The following MYO5A variants were observed in gnomAD, a reference collection of about 807,000 sequenced individuals.
The protein encoded by MYO5A is unconventional myosin-Va.
MYO5A carries 98 observed loss-of-function variants against 249.7 expected under a neutral mutation model. That is an observed-to-expected ratio of 0.39 (90% CI 0.33 to 0.46). The LOEUF is 0.46. MYO5A is among the 20% of genes least tolerant of loss of function. The probability of loss-of-function intolerance (pLI) is 0.98; values close to 1 mark genes in which losing one functional copy is unlikely to be tolerated. For synonymous variants in MYO5A, 778 were observed against 810.6 expected (o/e 0.96, Z 0.68); for missense variants, 1,696 against 2,308.8 (o/e 0.73, Z 5.44).
chr15:52,339,368 G>A (rs562303466), intron 32 of MYO5A, among the ~76,000 whole-genome samples: 10 of 151,846 alleles, frequency 6.6e-5, no homozygotes, highest in East Asian at 1.9e-4. Context: ...TCTCAAAATC[G>A]GGCTAGCACT....
intron 1 of MYO5A, among the ~76,000 whole-genome samples, chr15:52,526,786 T>A (rs2077737566): frequency 1.3e-5 from 2 of 152,142 alleles, no homozygotes; most frequent in African/African-American, 4.8e-5. Context: ...AATCACAACA[T>A]CTTTTCAATT....
At chr15:52,443,062 T>C (rs2075817625) in intron 1 of MYO5A, among the ~76,000 whole-genome samples, 1 of 152,194 alleles carries the variant, frequency 6.6e-6, no homozygotes. Context: ...AAACAGTAGA[T>C]TTTATTATGA....
intron 1 of MYO5A, among the ~76,000 whole-genome samples, chr15:52,514,166 T>A (rs1566873218): frequency 1.3e-5 from 2 of 152,386 alleles, no homozygotes; most frequent in South Asian, 2.1e-4. Flanking sequence ...CACTCATTCA[T>A]ATGTTCAATC....
intron 39 of MYO5A, 27 bp from the exon 40 acceptor site, chr15:52,317,249 TG>T: frequency 6.2e-7 from 1 of 1,610,248 alleles, no homozygotes; most frequent in South Asian, 1.1e-5. Flanking sequence ...ATACAGAGAA[TG>T]CAAATTTGCT....
rs545633679 is a variant in MYO5A at position 52,387,938 on chromosome 15, TA to T, written c.1669-27del. On this transcript the variant is annotated intron_variant, in intron 13 of 41. Coordinates refer to ENST00000399233, the MANE Select transcript of MYO5A (RefSeq NM_001382347.1). Reference sequence around the variant, plus strand: ...CTGAAAACACATGGAAAAATCTCCTTAACTGATAAAACTTTTGAATAGATAT... The same window carrying T: ...CTGAAAACACATGGAAAAATCTCCTTACTGATAAAACTTTTGAATAGATAT... The T allele has an allele frequency of 2.3e-5, 34 of 1,509,178 alleles. No individual in the cohort carries two copies. The African/African-American group carries it at 4.0e-4, about 18-fold the overall frequency. 93.5% of individuals were successfully genotyped at this position (1,509,178 alleles called of 1,614,324 possible).
At chr15:52,378,260 C>T (rs1018365279) in intron 18 of MYO5A, among the ~76,000 whole-genome samples, 2 of 152,026 alleles carry the variant, frequency 1.3e-5, no homozygotes, top group Admixed American at 6.6e-5. Flanking sequence ...CAGTGGCTCA[C>T]ACCTGTAATC....
chr15:52,523,965 G>A (rs2077677339), intron 1 of MYO5A, among the ~76,000 whole-genome samples: 1 of 123,636 alleles, frequency 8.1e-6, no homozygotes, highest in Non-Finnish European at 1.9e-5. Context: ...AGTTTGAAGA[G>A]ACAGTGCCAT....
intron 30 of MYO5A, among the ~76,000 whole-genome samples, chr15:52,345,624 A>T (rs1296866182): frequency 6.6e-6 from 1 of 152,092 alleles, no homozygotes; most frequent in Non-Finnish European, 1.5e-5. Context: ...GAAATAAGAA[A>T]AAAGTCTGTA....
rs898137291 is a variant in MYO5A at position 52,419,759 on chromosome 15, T to G, written c.456-3458A>C. On this transcript the variant is annotated intron_variant, in intron 4 of 41. Coordinates refer to ENST00000399233, the MANE Select transcript of MYO5A (RefSeq NM_001382347.1). ...CTCTCAAATCAACCTGAGTTTTCTG[T>G]TCCATCAGTACAGAGCCTATGCATT... Among the ~76,000 whole-genome samples the G allele has an allele frequency of 6.6e-5, 10 of 152,308 alleles. No individual in the cohort carries two copies. In the South Asian group the frequency reaches 2.1e-3, roughly 32 times the overall value.
chr15:52,450,486 G>A (rs964388122), intron 1 of MYO5A, among the ~76,000 whole-genome samples: 11 of 151,940 alleles, frequency 7.2e-5, no homozygotes, highest in African/African-American at 2.7e-4. Flanking sequence ...GGCCAACACA[G>A]TGAAACCCTG....
chr15:52,498,638 G>A (rs1488368904), intron 1 of MYO5A, among the ~76,000 whole-genome samples: 1 of 152,084 alleles, frequency 6.6e-6, no homozygotes, highest in Non-Finnish European at 1.5e-5. Flanking sequence ...TTCTATTAAG[G>A]TGTTAGTCTT....
intron 36 of MYO5A, among the ~76,000 whole-genome samples, chr15:52,325,597 T>G (rs1370431804): frequency 6.6e-6 from 1 of 151,982 alleles, no homozygotes; most frequent in African/African-American, 2.4e-5. Flanking sequence ...AGACAGGGTC[T>G]CGCAATGTTG....
chr15:52,348,751 G>T lies in MYO5A; in HGVS notation c.3858+67C>A, dbSNP rs185797815. 266 of 1,291,064 alleles carry T rather than the reference G, an allele frequency of 2.1e-4. No individual in the cohort carries two copies. The African/African-American group carries it at 3.5e-3, about 17-fold the overall frequency. 80.0% of individuals were successfully genotyped at this position (1,291,064 alleles called of 1,614,324 possible). On this transcript the variant is annotated intron_variant, in intron 29 of 41. Transcript: ENST00000399233. ...AAAGCATCAATTGCCTTTATTGGGGGATACTTGTAAACTAAAGTTAGGATT... is the reference window on the plus strand; with the variant it reads ...AAAGCATCAATTGCCTTTATTGGGGTATACTTGTAAACTAAAGTTAGGATT...
intron 4 of MYO5A, among the ~76,000 whole-genome samples, chr15:52,418,600 C>T (rs2043631100): frequency 6.6e-6 from 1 of 151,888 alleles, no homozygotes; most frequent in African/African-American, 2.4e-5. Flanking sequence ...GAGGGTAATA[C>T]CAGAATTGAC....
chr15:52,503,895 T>C (rs2077207300), intron 1 of MYO5A, among the ~76,000 whole-genome samples: 1 of 152,080 alleles, frequency 6.6e-6, no homozygotes, highest in Admixed American at 6.6e-5. Context: ...ATCTAAAACT[T>C]AACAGGAATG....
chr15:52,504,358 A>C (rs999165586), intron 1 of MYO5A, among the ~76,000 whole-genome samples: 1 of 152,190 alleles, frequency 6.6e-6, no homozygotes, highest in African/African-American at 2.4e-5. Context: ...AGGACTGAGG[A>C]GGTAGCCAGA....
At chr15:52,406,709 A>AT (rs1294491717) in intron 8 of MYO5A, among the ~76,000 whole-genome samples, 18 of 152,168 alleles carry the variant, frequency 1.2e-4, no homozygotes, top group Admixed American at 8.5e-4. Flanking sequence ...AAGGCCCAAC[A>AT]TTTTTTAAAT....
chr15:52,407,320 T>C lies in MYO5A; in HGVS notation c.918A>G (p.Ala306=), dbSNP rs745477581. 29 of 1,613,512 alleles carry C rather than the reference T, an allele frequency of 1.8e-5. No homozygotes were observed. Among genetic ancestry groups the C allele is most frequent in the South Asian group, 1.8e-4 (16 of 91,084 alleles). The change falls in exon 8 of 42, where the codon GCA becomes GCG. Residue 306 remains alanine (A), a synonymous_variant. Transcript: ENST00000399233. ...GCAAAGTGCAGGCCTGCCTAGTATGTGCCATCTCCTTTGCATCATCCACTC... is the reference window on the plus strand; with the variant it reads ...GCAAAGTGCAGGCCTGCCTAGTATGCGCCATCTCCTTTGCATCATCCACTC... ...IEGVDDAKEM[A]HTRQACTLLG... is the part of the protein sequence containing the mutation.
intron 1 of MYO5A, among the ~76,000 whole-genome samples, chr15:52,515,210 G>A (rs369763772): frequency 1.3e-5 from 2 of 151,760 alleles, no homozygotes; most frequent in African/African-American, 2.4e-5. Context: ...TCACAAGGTC[G>A]AGACTGCAGT....
Sources: gnomAD v4.1 joint callset for allele counts (sites outside exome capture counted in the v4.1 genomes callset) on GRCh38, gnomAD v4.1.1 for gene constraint, MANE v1.5 for transcripts, NCBI Gene and HGNC (gene_info 2026-07-23, HGNC 2026-07-21) for gene names.